Variants in PDE11A observed in about 807,000 individuals in gnomAD.
PDE11A encodes phosphodiesterase 11A.
Under a neutral mutation model 100.5 loss-of-function variants are expected in PDE11A, and 100 were observed. That is an observed-to-expected ratio of 1.00 (90% CI 0.85 to 1.18). The LOEUF (loss-of-function observed/expected upper bound fraction) is 1.18. Among genes scored for constraint, PDE11A ranks in the 50% most tolerant of loss-of-function variants. The pLI, the probability that PDE11A is intolerant of heterozygous loss-of-function variation, is 0.00. For missense variants in PDE11A, 1,141 were observed against 1,152.6 expected (o/e 0.99, Z 0.15); for synonymous variants, 381 against 420.8 (o/e 0.91, Z 1.16).
chr2:177,741,350 C>T (rs1031272972), intron 10 of PDE11A, among the ~76,000 whole-genome samples: 2 of 152,148 alleles, frequency 1.3e-5, no homozygotes, highest in African/African-American at 4.8e-5. Flanking sequence ...ACAGCTCAAC[C>T]ATATGACTTC....
At chr2:178,041,587 C>T (rs1559051602) in intron 1 of PDE11A, among the ~76,000 whole-genome samples, 1 of 152,050 alleles carries the variant, frequency 6.6e-6, no homozygotes, top group Non-Finnish European at 1.5e-5. Context: ...AAGGCATATT[C>T]AGTATTAACT....
intron 1 of PDE11A, among the ~76,000 whole-genome samples, chr2:178,029,102 C>A (rs1257891535): frequency 6.6e-6 from 1 of 152,168 alleles, no homozygotes; most frequent in Non-Finnish European, 1.5e-5. Flanking sequence ...GTCTTCCCCA[C>A]CATAAGCCAC....
chr2:177,968,798 G>A (rs1574314439), intron 2 of PDE11A, among the ~76,000 whole-genome samples: 1 of 152,186 alleles, frequency 6.6e-6, no homozygotes, highest in Admixed American at 6.5e-5. Context: ...GGAGAAACAG[G>A]AACACTTGTA....
chr2:177,766,623 C>A (rs1182185639), intron 10 of PDE11A, among the ~76,000 whole-genome samples: 1 of 152,206 alleles, frequency 6.6e-6, no homozygotes, highest in Non-Finnish European at 1.5e-5. Context: ...ATTGCACATA[C>A]TCCAGCCTGG....
chr2:178,085,363 G>C (rs1282321508), intron 2 of PDE11A, among the ~76,000 whole-genome samples: 1 of 151,996 alleles, frequency 6.6e-6, no homozygotes, highest in African/African-American at 2.4e-5. Flanking sequence ...TAATTAACAT[G>C]GATATAAATA....
chr2:178,000,222 G>GTAGA (rs1553499077), intron 2 of PDE11A, among the ~76,000 whole-genome samples: 2 of 151,538 alleles, frequency 1.3e-5, no homozygotes, highest in African/African-American at 4.8e-5. Context: ...ATTCAGAAAA[G>GTAGA]AAGGGAAAAA....
chr2:177,702,743 G>C (rs1300282988), intron 13 of PDE11A: 1 of 152,056 alleles, frequency 6.6e-6, no homozygotes, highest in Non-Finnish European at 1.5e-5. Flanking sequence ...TTTTCCAGCA[G>C]GATTAGGTTC....
intron 1 of PDE11A, among the ~76,000 whole-genome samples, chr2:178,069,214 A>G (rs968294024): frequency 1.9e-4 from 29 of 152,182 alleles, no homozygotes; most frequent in Admixed American, 1.2e-3. Flanking sequence ...ATAAACAAAA[A>G]TAATCTTTGC....
intron 2 of PDE11A, among the ~76,000 whole-genome samples, chr2:178,092,328 A>G (rs1053985783): frequency 1.3e-5 from 2 of 152,180 alleles, no homozygotes; most frequent in Non-Finnish European, 2.9e-5. Flanking sequence ...TGCCAACAAA[A>G]GCGAGTTCAG....
intron 19 of PDE11A, among the ~76,000 whole-genome samples, chr2:177,655,545 C>CT (rs369321364): frequency 8.6e-5 from 13 of 151,078 alleles, no homozygotes; most frequent in Non-Finnish European, 1.8e-4. Context: ...TCCTTTCTTT[C>CT]TTTTTTTTAA....
intron 2 of PDE11A, among the ~76,000 whole-genome samples, chr2:177,927,637 T>A (rs1036966273): frequency 2.0e-5 from 3 of 152,178 alleles, no homozygotes; most frequent in Non-Finnish European, 2.9e-5. Context: ...ATTGGTAAAA[T>A]GGGACAATAA....
At chr2:177,793,051 G>C (rs745808348) in intron 9 of PDE11A, among the ~76,000 whole-genome samples, 1 of 152,282 alleles carries the variant, frequency 6.6e-6, no homozygotes, top group East Asian at 1.9e-4. Flanking sequence ...GCCAGCCAAC[G>C]GGTAGGGGAA....
At chr2:177,906,777 G>C (rs1266370063) in intron 2 of PDE11A, among the ~76,000 whole-genome samples, 1 of 152,116 alleles carries the variant, frequency 6.6e-6, no homozygotes, top group Non-Finnish European at 1.5e-5. Flanking sequence ...GCATAAAGCT[G>C]CCAGATATTC....
At chr2:177,774,116 T>C (rs2082348006) in intron 9 of PDE11A, among the ~76,000 whole-genome samples, 1 of 152,208 alleles carries the variant, frequency 6.6e-6, no homozygotes, top group African/African-American at 2.4e-5. Context: ...TCATGTATTG[T>C]ATCAATTTAG....
intron 2 of PDE11A, among the ~76,000 whole-genome samples, chr2:177,984,547 A>G (rs750979995): frequency 6.6e-5 from 10 of 152,158 alleles, no homozygotes; most frequent in Non-Finnish European, 1.3e-4. Flanking sequence ...TCCCAATTAA[A>G]TCAAGAGCTC....
At chr2:177,818,145 C>A (rs185251998) in intron 7 of PDE11A, among the ~76,000 whole-genome samples, 1 of 152,006 alleles carries the variant, frequency 6.6e-6, no homozygotes, top group Non-Finnish European at 1.5e-5. Flanking sequence ...CTCAGTAGTT[C>A]GGAGTTCTAC....
intron 10 of PDE11A, among the ~76,000 whole-genome samples, chr2:177,768,005 C>T (rs560818803): frequency 6.6e-6 from 1 of 152,200 alleles, no homozygotes; most frequent in South Asian, 2.1e-4. Context: ...TTGGTGGCAC[C>T]CTATCTCTCC....
intron 18 of PDE11A, 69 bp from the exon 19 acceptor site, chr2:177,664,018 A>G: frequency 1.1e-6 from 1 of 923,840 alleles, no homozygotes; most frequent in Non-Finnish European, 1.8e-6. Flanking sequence ...TTTGTCAAAC[A>G]CTTTGCTAGA....
chr2:177,869,430 A>G (rs1234101311), intron 5 of PDE11A, among the ~76,000 whole-genome samples: 1 of 152,168 alleles, frequency 6.6e-6, no homozygotes, highest in Non-Finnish European at 1.5e-5. Flanking sequence ...GTCTATATTT[A>G]AACCAGCAAC....
Sources: allele counts gnomAD v4.1 joint callset (sites outside exome capture counted in the v4.1 genomes callset), GRCh38; gene constraint gnomAD v4.1.1; transcripts MANE v1.5; gene names NCBI Gene and HGNC (gene_info 2026-07-23, HGNC 2026-07-21).